The following OTOA variants were observed in gnomAD, a reference collection of about 807,000 sequenced individuals.
OTOA encodes the protein otoancorin.
Under a neutral mutation model 110.8 loss-of-function variants are expected in OTOA, and 70 were observed. The ratio of observed to expected loss-of-function variants is 0.63; its 90% CI spans 0.52 to 0.77. OTOA has a LOEUF of 0.77. Ranked by LOEUF, OTOA falls within the 30% of genes least tolerant of loss-of-function variation. The pLI, the probability that OTOA is intolerant of heterozygous loss-of-function variation, is 0.00. For synonymous variants in OTOA, 373 were observed against 431.5 expected (o/e 0.86, Z 1.68); for missense variants, 917 against 1,075.8 (o/e 0.85, Z 2.06).
rs2141758033 is a variant in OTOA, at chr16:21,752,034, A to G, written c.2875A>G (p.Ile959Val). 1.1e-5 allele frequency: 4 copies of G among 366,688 alleles called. No homozygotes were observed. The East Asian group carries it at 1.3e-4, about 12-fold the overall frequency. The allele number at this position is 366,688 out of a possible 1,614,324, so 22.7% of individuals were successfully genotyped here. ...LVGLGATLCA[I>V]NITEIPLIKI... ...AGGACTTGGTGCAACCCTGTGTGCTATAAACATCACTGAAATCCCACTTAT... is the reference window on the plus strand; with the variant it reads ...AGGACTTGGTGCAACCCTGTGTGCTGTAAACATCACTGAAATCCCACTTAT... The change falls in exon 25 of 29, where the codon ATA becomes GTA. Residue 959 changes from isoleucine (I) to valine (V), a missense_variant. Coordinates refer to ENST00000646100, the MANE Select transcript of OTOA (RefSeq NM_144672.4).
chr16:21,712,027 AT>A (rs141591263), intron 13 of OTOA, among the ~76,000 whole-genome samples: 2,261 of 152,030 alleles, frequency 0.015, 66 homozygotes, highest in African/African-American at 0.051. Flanking sequence ...ATCAATTTTT[AT>A]TTTGACAAAA....
At chr16:21,738,286 G>A (rs1489381230) in intron 22 of OTOA, among the ~76,000 whole-genome samples, 21 of 128,526 alleles carry the variant, frequency 1.6e-4, no homozygotes, top group Non-Finnish European at 3.3e-5. Context: ...TTGGAGGGGA[G>A]TGAGAGACAA....
intron 28 of OTOA, among the ~76,000 whole-genome samples, chr16:21,759,157 T>G (rs1202002499): frequency 2.0e-5 from 3 of 152,122 alleles, no homozygotes; most frequent in African/African-American, 7.2e-5. Context: ...GCAAGGCATG[T>G]GGTGAAATCT....
At chr16:21,668,577 C>T (rs1053348335) in intron 1 of OTOA, among the ~76,000 whole-genome samples, 2 of 150,926 alleles carry the variant, frequency 1.3e-5, no homozygotes, top group African/African-American at 4.9e-5. Context: ...TCTCCTGCCT[C>T]AGCCTCCCGA....
rs374219815 is a variant in OTOA at position 21,715,017 on chromosome 16, C to A, written c.1353C>A (p.Gly451=). 1 of 1,614,204 alleles carries A rather than the reference C, an allele frequency of 6.2e-7. No individual in the cohort carries two copies. The highest frequency in any genetic ancestry group is 1.7e-5 in the Admixed American group (1 of 60,032). ...CTTTCTACAATGTCAGCCAGATGGG[C>A]GCACTGCTGGCTGGGGTCAGCACCC... The part of the protein sequence containing the change: ...VLSFYNVSQM[G]ALLAGVSTQA... Residue 451 remains glycine (G), a synonymous_variant, in exon 14 of 29, where the codon GGC becomes GGA. Coordinates refer to ENST00000646100, the MANE Select transcript of OTOA (RefSeq NM_144672.4).
intron 1 of OTOA, among the ~76,000 whole-genome samples, chr16:21,668,951 G>A (rs370818323): frequency 2.0e-5 from 3 of 151,998 alleles, no homozygotes; most frequent in East Asian, 3.9e-4. Context: ...TCAACGTCTT[G>A]GCAATGGGGG....
intron 9 of OTOA, among the ~76,000 whole-genome samples, chr16:21,692,763 C>G (rs1187776872): frequency 2.0e-5 from 3 of 150,730 alleles, no homozygotes; most frequent in Non-Finnish European, 4.4e-5. Flanking sequence ...CCCTTCTCTA[C>G]TAAAAATACA....
chr16:21,714,300 T>TTCCTTCCTTCCTTCCTTC (rs1898455390), intron 13 of OTOA, among the ~76,000 whole-genome samples: 43 of 100,432 alleles, frequency 4.3e-4, no homozygotes, highest in African/African-American at 1.2e-3. Context: ...TCTTTTCCTT[T>TTCCTTCCTTCCTTCCTTC]CTTCCTTCCT....
At chr16:21,720,050 G>T (rs1898681521) in intron 17 of OTOA, among the ~76,000 whole-genome samples, 1 of 151,764 alleles carries the variant, frequency 6.6e-6, no homozygotes, top group Admixed American at 6.6e-5. Flanking sequence ...CAACCTCCTG[G>T]GCTCAAGAGA....
chr16:21,690,609 G>A (rs1335665373), intron 8 of OTOA, among the ~76,000 whole-genome samples: 2 of 152,010 alleles, frequency 1.3e-5, no homozygotes, highest in Non-Finnish European at 2.9e-5. Context: ...GGGCATTTGG[G>A]TTGACTACAT....
chr16:21,695,921 G>C (rs1377831800), intron 9 of OTOA, among the ~76,000 whole-genome samples: 1 of 107,574 alleles, frequency 9.3e-6, no homozygotes, highest in African/African-American at 4.0e-5. Context: ...CTGAGATGGA[G>C]TCTGGCTCTG....
At position 21,719,487 on chromosome 16, in the gene OTOA, C is replaced by T. The variant is rs1379555957; in HGVS notation, c.1789C>T (p.Leu597=). ...CCAGGATTTTCAGAACAACTTCGCC[C>T]TGCTTTCACCCTATCAGGTACCGTT... ...HFQDFQNNFA[L]LSPYQVNCLA... is the part of the protein sequence containing the mutation. The change falls in exon 17 of 29, where the codon CTG becomes TTG. Residue 597 remains leucine, a synonymous_variant. Coordinates refer to ENST00000646100, the MANE Select transcript of OTOA (RefSeq NM_144672.4). 1.2e-6 allele frequency: 2 copies of T among 1,614,030 alleles called. No homozygotes were observed. The highest frequency in any genetic ancestry group is 2.2e-5 in the South Asian group (2 of 91,082).
chr16:21,678,927 T>C lies in OTOA; in HGVS notation c.104T>C (p.Leu35Ser), dbSNP rs777048518. The C allele has an allele frequency of 1.8e-5, 29 of 1,613,606 alleles. No individual in the cohort carries two copies. Among genetic ancestry groups the C allele is most frequent in the Non-Finnish European group, 2.5e-5 (29 of 1,179,968 alleles). Residue 35 changes from leucine (L) to serine (S), a missense_variant, in exon 3 of 29, where the codon TTG becomes TCG. Physicochemically the swap from Leu to Ser is moderately radical, Grantham distance 145. Around this residue, in one of 6 missense-constraint regions of OTOA, gnomAD observed 840 missense variants for 910.2 expected, o/e 0.92. Transcript: ENST00000646100. ...VPNSRQDLHP[L>S]LQNMAEEIID... is the part of the protein sequence containing the mutation. ...GGCTTTCTTACAGATTTGCATCCATTGTTGCAAAACATGGCGGTGAGTATT... is the reference window on the plus strand; with the variant it reads ...GGCTTTCTTACAGATTTGCATCCATCGTTGCAAAACATGGCGGTGAGTATT...
chr16:21,667,332 A>G (rs1966842286), intron 1 of OTOA, among the ~76,000 whole-genome samples: 1 of 152,246 alleles, frequency 6.6e-6, no homozygotes, highest in African/African-American at 2.4e-5. Context: ...AACAAGTTAG[A>G]CAATACGAGG....
At chr16:21,735,901 C>A (rs1357017541) in intron 21 of OTOA, among the ~76,000 whole-genome samples, 2 of 152,086 alleles carry the variant, frequency 1.3e-5, no homozygotes, top group South Asian at 2.1e-4. Flanking sequence ...GCCTAACCTA[C>A]ATTTTTTGTC....
intron 18 of OTOA, among the ~76,000 whole-genome samples, chr16:21,724,675 C>G (rs1425451091): frequency 1.3e-5 from 2 of 152,124 alleles, no homozygotes; most frequent in Admixed American, 1.3e-4. Flanking sequence ...CATGTCTCAG[C>G]TCAAATGGAA....
chr16:21,673,676 A>T (rs1342050936), intron 1 of OTOA, among the ~76,000 whole-genome samples: 1 of 152,200 alleles, frequency 6.6e-6, no homozygotes, highest in African/African-American at 2.4e-5. Flanking sequence ...TGGCGTGGAC[A>T]TACCACACAC....
chr16:21,725,195 C>T lies in OTOA; in HGVS notation c.1881-1328C>T, dbSNP rs118140947. The stretch of plus-strand genomic sequence containing the variant: ...ATTTGGTGCCTAGAACAGTGCCTGG[C>T]TTACTGTAGTTGCTTTGTAGATATT... On this transcript the variant is annotated intron_variant, in intron 18 of 28. Transcript: ENST00000646100. Among the ~76,000 whole-genome samples the T allele has an allele frequency of 2.9e-3, 442 of 152,270 alleles. 3 individuals are homozygous for T. The highest frequency in any genetic ancestry group is 4.9e-3 in the Non-Finnish European group (333 of 68,026).
intron 13 of OTOA, among the ~76,000 whole-genome samples, chr16:21,713,152 A>G (rs1210940389): frequency 6.6e-6 from 1 of 151,964 alleles, no homozygotes; most frequent in Non-Finnish European, 1.5e-5. Flanking sequence ...TTTTGTAGAG[A>G]TGGGATTTTG....
Sources: allele counts gnomAD v4.1 joint callset (sites outside exome capture counted in the v4.1 genomes callset), GRCh38; gene constraint gnomAD v4.1.1; regional missense constraint gnomAD v4.1.1; transcripts MANE v1.5; gene names NCBI Gene and HGNC (gene_info 2026-07-23, HGNC 2026-07-21).